Variants in RASGRF2 observed in about 807,000 individuals in gnomAD.
RASGRF2 encodes the protein Ras protein specific guanine nucleotide releasing factor 2, also known as ras-specific guanine nucleotide-releasing factor 2.
A neutral mutation model predicts 151.0 loss-of-function variants in RASGRF2; 76 were observed. The observed-to-expected ratio is 0.50, with a 90% confidence interval of 0.42 to 0.61. The LOEUF (loss-of-function observed/expected upper bound fraction) is 0.61, where lower values mean the gene tolerates loss of function less well. RASGRF2 is among the 20% of genes least tolerant of loss of function. RASGRF2 has a pLI of 0.00. For synonymous variants in RASGRF2, 504 were observed against 566.5 expected, an observed-to-expected ratio of 0.89 and a Z score of 1.57; for missense variants, 1,148 against 1,564.6, an observed-to-expected ratio of 0.73 and a Z score of 4.49.
At chr5:81,088,827 A>G (rs985748239) in intron 9 of RASGRF2, among the ~76,000 whole-genome samples, 5 of 152,100 alleles carry the variant, frequency 3.3e-5, no homozygotes, top group Middle Eastern at 3.4e-3. Flanking sequence ...ACTGAATGTC[A>G]TTTTTTTTCA....
At chr5:81,103,534 G>A (rs780521519) in intron 12 of RASGRF2, among the ~76,000 whole-genome samples, 4 of 152,044 alleles carry the variant, frequency 2.6e-5, no homozygotes, top group Non-Finnish European at 4.4e-5. Context: ...AAAAGATGCA[G>A]TCTCCAGAGA....
At chr5:81,148,244 C>T (rs578155748) in intron 17 of RASGRF2, among the ~76,000 whole-genome samples, 1 of 152,230 alleles carries the variant, frequency 6.6e-6, no homozygotes, top group East Asian at 1.9e-4. Context: ...TAGTCTAGTG[C>T]TTTAGGTTAC....
intron 1 of RASGRF2, among the ~76,000 whole-genome samples, chr5:81,023,611 A>G (rs1749906648): frequency 6.6e-6 from 1 of 152,250 alleles, no homozygotes; most frequent in South Asian, 2.1e-4. Context: ...CTAAAAGTGT[A>G]ACATGTAGTT....
At chr5:80,992,438 C>T (rs562086179) in intron 1 of RASGRF2, among the ~76,000 whole-genome samples, 6 of 152,212 alleles carry the variant, frequency 3.9e-5, no homozygotes, top group African/African-American at 1.2e-4. Context: ...AGTATTTGCT[C>T]CACCTTTATT....
At position 81,217,358 on chromosome 5, in the gene RASGRF2, G is replaced by A. The variant is rs1169878996; in HGVS notation, c.3437G>A (p.Cys1146Tyr). The A allele has an allele frequency of 6.2e-7, 1 of 1,604,322 alleles. No individual in the cohort carries two copies. Among genetic ancestry groups the A allele is most frequent in the Non-Finnish European group, 8.5e-7 (1 of 1,176,960 alleles). ...AACAGTGCCTCTTGGTCTTGCAGTT[G>A]TAACCCTCCTGCAGTTCCTTATCTT... ...FKNLRETLKN[C>Y]NPPAVPYLGM... is the part of the protein sequence containing the mutation. The change falls in exon 25 of 27, where the codon TGT (cysteine) becomes TAT (tyrosine). Residue 1146 changes from cysteine to tyrosine, a missense_variant and splice_region_variant. By Grantham distance (194) the Cys-to-Tyr change is radical (BLOSUM62 -2). This residue lies in a region of RASGRF2 where 100 missense variants were observed against 148.2 expected (regional missense o/e 0.67). Transcript: ENST00000265080.
At chr5:81,132,236 A>T (rs1580346222) in intron 17 of RASGRF2, among the ~76,000 whole-genome samples, 1 of 152,346 alleles carries the variant, frequency 6.6e-6, no homozygotes, top group Non-Finnish European at 1.5e-5. Context: ...GTAGTAAATG[A>T]TCCATAAATG....
chr5:81,080,016 G>A (rs1415318277), intron 5 of RASGRF2, 105 bp from the exon 6 acceptor site: 1 of 1,392,102 alleles, frequency 7.2e-7, no homozygotes, highest in Non-Finnish European at 9.4e-7. Context: ...GAGGCCCTAT[G>A]GGACATATAT....
chr5:81,093,939 A>G (rs1752464429), intron 10 of RASGRF2, among the ~76,000 whole-genome samples: 1 of 152,086 alleles, frequency 6.6e-6, no homozygotes, highest in Non-Finnish European at 1.5e-5. Context: ...ATTCAACACC[A>G]TGATGACAGC....
chr5:80,971,240 C>A (rs1186365341), intron 1 of RASGRF2, among the ~76,000 whole-genome samples: 3 of 152,174 alleles, frequency 2.0e-5, no homozygotes, highest in African/African-American at 7.2e-5. Context: ...TCTCCACCAC[C>A]CCAACCGTGG....
rs1460574219 is a variant in RASGRF2, at chr5:81,199,032, A to G, written c.2794-2298A>G. ...TAATTTGCATTCCCACCAATAGTGT[A>G]TAAGTGAAGAACCTGCTCTTAGACA... On this transcript the variant is annotated intron_variant, in intron 18 of 26. Transcript: ENST00000265080. Among the ~76,000 whole-genome samples the G allele has an allele frequency of 2.0e-5, 3 of 152,258 alleles. No individual in the cohort carries two copies. The South Asian group carries it at 6.2e-4, about 32-fold the overall frequency.
At chr5:81,006,018 G>A (rs754711958) in intron 1 of RASGRF2, among the ~76,000 whole-genome samples, 2 of 152,230 alleles carry the variant, frequency 1.3e-5, no homozygotes, top group Admixed American at 6.5e-5. Flanking sequence ...AAGTTCAAAC[G>A]TTTTCCTGAG....
chr5:81,156,276 A>G (rs946981177), intron 17 of RASGRF2, among the ~76,000 whole-genome samples: 6 of 152,272 alleles, frequency 3.9e-5, no homozygotes, highest in Middle Eastern at 3.4e-3. Flanking sequence ...GTTCTACCCA[A>G]TGTTTAAAGA....
At chr5:81,168,792 C>T (rs917843672) in intron 17 of RASGRF2, among the ~76,000 whole-genome samples, 5 of 152,220 alleles carry the variant, frequency 3.3e-5, no homozygotes, top group Non-Finnish European at 4.4e-5. Context: ...CACTGACAAC[C>T]GATAGCTTGC....
At position 81,215,872 on chromosome 5, in the gene RASGRF2, T is replaced by G. The variant is rs762497404; in HGVS notation, c.3355-4T>G. ...TCACACTAAGTTTTTTCTTTTCTTT[T>G]TAGACAAAAGCTCTAATGGACAAAC... is the stretch of plus-strand genomic sequence containing the variant. On this transcript the variant is annotated splice_polypyrimidine_tract_variant and splice_region_variant and intron_variant, in intron 23 of 26. Transcript: ENST00000265080. 1.2e-5 allele frequency: 18 copies of G among 1,528,122 alleles called. No individual in the cohort carries two copies. The highest frequency in any genetic ancestry group is 1.6e-5 in the Non-Finnish European group (18 of 1,148,792). 94.7% of individuals were successfully genotyped at this position (1,528,122 alleles called of 1,614,324 possible). A position where few individuals can be genotyped will look rare whatever the true frequency, so the allele number is the denominator to read the frequency against.
At chr5:81,050,378 A>G (rs1750972715) in intron 2 of RASGRF2, among the ~76,000 whole-genome samples, 1 of 152,222 alleles carries the variant, frequency 6.6e-6, no homozygotes, top group Non-Finnish European at 1.5e-5. Context: ...TTAAATATAT[A>G]CAGAGAAAGA....
At chr5:80,994,539 CCTT>C (rs1481850917) in intron 1 of RASGRF2, among the ~76,000 whole-genome samples, 4 of 152,108 alleles carry the variant, frequency 2.6e-5, no homozygotes, top group Non-Finnish European at 5.9e-5. Context: ...AAAAATAAAA[CCTT>C]CATAAAATTT....
Position 81,208,334 on chromosome 5 carries a change from G to A in RASGRF2, c.3072-20G>A. The A allele has an allele frequency of 6.2e-7, 1 of 1,607,108 alleles. No homozygotes were observed. The stretch of plus-strand genomic sequence containing the variant: ...TTTTTAAAAACTTAATTGGTTTTGT[G>A]TTTTGTTTTGAACTTCCAGGGAGTT... On this transcript the variant is annotated intron_variant, in intron 21 of 26. Coordinates refer to ENST00000265080, the MANE Select transcript of RASGRF2 (RefSeq NM_006909.3).
At chr5:81,065,905 A>G (rs1751585802) in intron 2 of RASGRF2, among the ~76,000 whole-genome samples, 1 of 152,010 alleles carries the variant, frequency 6.6e-6, no homozygotes, top group Non-Finnish European at 1.5e-5. Context: ...ACAGAAAACA[A>G]TTTTCCTAGC....
At chr5:81,099,212 C>G (rs185639403) in intron 12 of RASGRF2, among the ~76,000 whole-genome samples, 64 of 152,286 alleles carry the variant, frequency 4.2e-4, no homozygotes, top group African/African-American at 1.4e-3. Context: ...GTACAGTTTG[C>G]CTCTCAGTGT....
Sources: allele counts gnomAD v4.1 joint callset (sites outside exome capture counted in the v4.1 genomes callset), GRCh38; gene constraint gnomAD v4.1.1; regional missense constraint gnomAD v4.1.1; transcripts MANE v1.5; gene names NCBI Gene and HGNC (gene_info 2026-07-23, HGNC 2026-07-21).